Variants in SEPTIN9 observed in about 807,000 individuals in gnomAD.
SEPTIN9 encodes the protein septin-9.
SEPTIN9 carries 13 observed loss-of-function variants against 56.6 expected under a neutral mutation model. The observed-to-expected ratio is 0.23, with a 90% CI of 0.15 to 0.37. The LOEUF (loss-of-function observed/expected upper bound fraction) is 0.37. Among genes scored for constraint, SEPTIN9 ranks in the 10% least tolerant of loss-of-function variants. The pLI, the probability that SEPTIN9 is intolerant of heterozygous loss-of-function variation, is 1.00. For missense variants in SEPTIN9, 650 were observed against 823.1 expected, an observed-to-expected ratio of 0.79 and a Z score of 2.57; for synonymous variants, 332 against 334.1, an observed-to-expected ratio of 0.99 and a Z score of 0.07.
intron 2 of SEPTIN9, among the ~76,000 whole-genome samples, chr17:77,351,064 ATG>A (rs1568008136): frequency 1.3e-5 from 2 of 150,840 alleles, no homozygotes; most frequent in East Asian, 3.9e-4. Context: ...GAGTGTGTAT[ATG>A]TGTGTGCCTG....
rs539021894 is a variant in SEPTIN9 at position 77,315,374 on chromosome 17, A to G, written c.76+8177A>G. ...GTGATCTAGGCTCACTGCAACCTCCACCTCCCAGGTTCAAGCAATTCTCCT... is the reference window on the plus strand; with the variant it reads ...GTGATCTAGGCTCACTGCAACCTCCGCCTCCCAGGTTCAAGCAATTCTCCT... On this transcript the variant is annotated intron_variant, in intron 2 of 11. Transcript: ENST00000427177. 1.1e-3 allele frequency among the ~76,000 whole-genome samples: 162 copies of G among 149,324 alleles called. 1 individual carries two copies. Among genetic ancestry groups the G allele is most frequent in the African/African-American group, 3.9e-3 (155 of 40,118 alleles).
At chr17:77,297,372 G>A (rs918588142) in intron 1 of SEPTIN9, among the ~76,000 whole-genome samples, 1 of 152,186 alleles carries the variant, frequency 6.6e-6, no homozygotes, top group African/African-American at 2.4e-5. Flanking sequence ...GTCTGGCAAT[G>A]GAATGGTGTC....
At chr17:77,410,739 A>G (rs1005103658) in intron 3 of SEPTIN9, among the ~76,000 whole-genome samples, 10 of 152,208 alleles carry the variant, frequency 6.6e-5, no homozygotes, top group Non-Finnish European at 1.3e-4. Context: ...ACAAAAGCCA[A>G]CACAACCCTT....
chr17:77,458,102 C>T (rs2144472644), intron 3 of SEPTIN9, among the ~76,000 whole-genome samples: 1 of 152,308 alleles, frequency 6.6e-6, no homozygotes, highest in African/African-American at 2.4e-5. Flanking sequence ...GCTGTAACCT[C>T]TTCCCCTGGT....
rs2036718786 is a variant in SEPTIN9 at position 77,421,892 on chromosome 17, A to G, written c.721+19189A>G. ...TTGAGACGGTCTCTCTCTGTCGCCC[A>G]GGCTGGAGTTCAATGGCCCAATGTC... On this transcript the variant is annotated intron_variant, in intron 3 of 11. Coordinates refer to ENST00000427177, the MANE Select transcript of SEPTIN9 (RefSeq NM_001113491.2). This position sits in a 1 kb window ranked among gnomAD's most constrained non-coding sequence, Gnocchi z 4.6. Among the ~76,000 whole-genome samples the G allele has an allele frequency of 1.3e-5, 2 of 151,552 alleles. No individual in the cohort carries two copies. The highest frequency in any genetic ancestry group is 2.9e-5 in the Non-Finnish European group (2 of 67,830).
chr17:77,373,362 T>C, intron 2 of SEPTIN9: 4 of 1,202,926 alleles, frequency 3.3e-6, no homozygotes, highest in Non-Finnish European at 4.1e-6. Flanking sequence ...CCAGGGGGCC[T>C]AGGGGCTCCT....
At chr17:77,379,949 A>G (rs1230537288) in intron 2 of SEPTIN9, among the ~76,000 whole-genome samples, 1 of 152,076 alleles carries the variant, frequency 6.6e-6, no homozygotes, top group Non-Finnish European at 1.5e-5. Flanking sequence ...GGAGGCTCTG[A>G]GTTGCTTATG....
chr17:77,468,259 C>T (rs776993113), intron 3 of SEPTIN9, among the ~76,000 whole-genome samples: 16 of 151,898 alleles, frequency 1.1e-4, no homozygotes, highest in Non-Finnish European at 1.2e-4. Context: ...AGTGAGACTC[C>T]ATCTCAAAAA....
At position 77,451,443 on chromosome 17, in the gene SEPTIN9, C is replaced by T; in HGVS notation, c.722-30701C>T. 1 of 985,760 alleles carries T rather than the reference C, an allele frequency of 1.0e-6. No homozygotes were observed. Among genetic ancestry groups the T allele is most frequent in the Non-Finnish European group, 1.2e-6 (1 of 830,166 alleles). 61.1% of individuals were successfully genotyped at this position (985,760 alleles called of 1,614,324 possible). A position where few individuals can be genotyped will look rare whatever the true frequency, so the allele number is the denominator to read the frequency against. ...TCCGCGACCACAAAGCCCCTTTGAT[C>T]CTCTGCTCGGCTCTGAGCCATGTGA... On this transcript the variant is annotated intron_variant, in intron 3 of 11. Coordinates refer to ENST00000427177, the MANE Select transcript of SEPTIN9 (RefSeq NM_001113491.2). This position sits in a 1 kb window ranked among gnomAD's most constrained non-coding sequence, Gnocchi z 4.2.
intron 3 of SEPTIN9, among the ~76,000 whole-genome samples, chr17:77,461,489 C>A (rs937698182): frequency 6.6e-6 from 1 of 152,104 alleles, no homozygotes; most frequent in East Asian, 1.9e-4. Flanking sequence ...GGGCTGGAGG[C>A]TGGGGACATC....
intron 3 of SEPTIN9, among the ~76,000 whole-genome samples, chr17:77,439,168 G>A (rs190355504): frequency 7.9e-5 from 12 of 152,318 alleles, no homozygotes; most frequent in Admixed American, 5.2e-4. Flanking sequence ...TATCAAGCTA[G>A]ATAGCCCAGT....
intron 2 of SEPTIN9, among the ~76,000 whole-genome samples, chr17:77,312,030 T>C (rs2032514211): frequency 6.6e-6 from 1 of 152,158 alleles, no homozygotes; most frequent in Non-Finnish European, 1.5e-5. Context: ...CCCCCAGGTC[T>C]CAACAGGCTG....
intron 2 of SEPTIN9, among the ~76,000 whole-genome samples, chr17:77,384,075 G>C (rs1002461740): frequency 6.6e-6 from 1 of 152,198 alleles, no homozygotes; most frequent in Non-Finnish European, 1.5e-5. Flanking sequence ...AAGGGCTGTC[G>C]AGCAGGGAGG....
intron 3 of SEPTIN9, among the ~76,000 whole-genome samples, chr17:77,477,314 C>A (rs1443964657): frequency 1.3e-5 from 2 of 152,202 alleles, no homozygotes; most frequent in East Asian, 1.9e-4. Context: ...GTCACTCCCC[C>A]TCCCCCAGCC....
intron 3 of SEPTIN9, among the ~76,000 whole-genome samples, chr17:77,404,325 A>G (rs1598319818): frequency 6.6e-6 from 1 of 152,022 alleles, no homozygotes; most frequent in Non-Finnish European, 1.5e-5. Flanking sequence ...GCTTACTGCA[A>G]CCTCTGCCCC....
At chr17:77,342,216 A>G (rs2033756684) in intron 2 of SEPTIN9, among the ~76,000 whole-genome samples, 1 of 152,226 alleles carries the variant, frequency 6.6e-6, no homozygotes, top group Admixed American at 6.5e-5. Context: ...TGTTGTTGGA[A>G]AAATGGTGCC....
rs2035854833 is a variant in SEPTIN9 at position 77,400,190 on chromosome 17, G to T, written c.77-1869G>T. Among the ~76,000 whole-genome samples, 1 of 152,128 alleles carries T rather than the reference G, an allele frequency of 6.6e-6. No homozygotes were observed. On this transcript the variant is annotated intron_variant, in intron 2 of 11. Transcript: ENST00000427177. The surrounding 1 kb of genome is among the most constrained non-coding windows in gnomAD (Gnocchi z 4.1). ...GGGGTTTCACCACATCAGCCAGGCTGCTCAGTGTTTTAAAAAGGGCTTGTT... is the reference window on the plus strand; with the variant it reads ...GGGGTTTCACCACATCAGCCAGGCTTCTCAGTGTTTTAAAAAGGGCTTGTT...
chr17:77,286,882 G>A (rs1000652689), intron 1 of SEPTIN9, among the ~76,000 whole-genome samples: 2 of 152,230 alleles, frequency 1.3e-5, no homozygotes, highest in African/African-American at 4.8e-5. Context: ...CCCTAGGGGT[G>A]TGAACCTTTG....
rs1443872327 is a variant in SEPTIN9, at chr17:77,475,405, T to G, written c.722-6739T>G. On this transcript the variant is annotated intron_variant, in intron 3 of 11. Coordinates refer to ENST00000427177, the MANE Select transcript of SEPTIN9 (RefSeq NM_001113491.2). The surrounding 1 kb of genome is among the most constrained non-coding windows in gnomAD (Gnocchi z 4.6). ...ATAGGAGAGGAGGAGGGAGCAGCCC[T>G]GGCCGGACACTGTCCTCCTAGCATT... 4 of 1,458,288 alleles carry G rather than the reference T, an allele frequency of 2.7e-6. No homozygotes were observed. The South Asian group carries it at 5.8e-5, about 21-fold the overall frequency. 90.3% of individuals were successfully genotyped at this position (1,458,288 alleles called of 1,614,324 possible).
Sources: gnomAD v4.1 joint callset for allele counts (sites outside exome capture counted in the v4.1 genomes callset) on GRCh38, gnomAD v4.1.1 for gene constraint, Gnocchi (gnomAD v3.1) non-coding constraint, MANE v1.5 for transcripts, NCBI Gene and HGNC (gene_info 2026-07-23, HGNC 2026-07-21) for gene names.